ADAM12: variants seen among roughly 807,000 people sequenced by gnomAD.
ADAM12 encodes ADAM metallopeptidase domain 12.
Under a neutral mutation model 106.4 loss-of-function variants are expected in ADAM12, and 70 were observed. The ratio of observed to expected loss-of-function variants is 0.66; its 90% CI spans 0.54 to 0.80. The LOEUF (loss-of-function observed/expected upper bound fraction) is 0.80. Among genes scored for constraint, ADAM12 ranks in the 30% least tolerant of loss-of-function variants. ADAM12 has a pLI of 0.00. For missense variants in ADAM12, 1,010 were observed against 1,171.9 expected (o/e 0.86, Z 2.02); for synonymous variants, 420 against 433.5 (o/e 0.97, Z 0.39).
At chr10:126,225,884 C>A (rs745802445) in intron 3 of ADAM12, among the ~76,000 whole-genome samples, 26 of 152,238 alleles carry the variant, frequency 1.7e-4, no homozygotes, top group Non-Finnish European at 2.9e-4. Flanking sequence ...GAGCCCAGAG[C>A]GTGGTAACTC....
At chr10:126,317,972 C>T (rs1167952647) in intron 2 of ADAM12, among the ~76,000 whole-genome samples, 1 of 152,180 alleles carries the variant, frequency 6.6e-6, no homozygotes, top group Non-Finnish European at 1.5e-5. Flanking sequence ...CTTTTATAAT[C>T]TACCCACAGC....
chr10:126,259,624 C>T (rs1312707814), intron 3 of ADAM12, among the ~76,000 whole-genome samples: 2 of 152,170 alleles, frequency 1.3e-5, no homozygotes, highest in African/African-American at 4.8e-5. Context: ...TCCTGATTTC[C>T]TTTGTTCTCT....
intron 3 of ADAM12, among the ~76,000 whole-genome samples, chr10:126,225,305 G>C (rs1403771423): frequency 6.6e-6 from 1 of 152,212 alleles, no homozygotes; most frequent in Non-Finnish European, 1.5e-5. Flanking sequence ...TGAGAAAGGA[G>C]TTATTAAAAA....
chr10:126,240,475 A>G (rs1028470491), intron 3 of ADAM12, among the ~76,000 whole-genome samples: 1 of 152,262 alleles, frequency 6.6e-6, no homozygotes, highest in African/African-American at 2.4e-5. Flanking sequence ...ACACACGACA[A>G]GTGCAGAATC....
intron 2 of ADAM12, among the ~76,000 whole-genome samples, chr10:126,306,675 T>C (rs555247301): frequency 1.3e-4 from 20 of 152,364 alleles, no homozygotes; most frequent in Admixed American, 1.2e-3. Flanking sequence ...TTCTTACATC[T>C]TGACCTTCCA....
intron 2 of ADAM12, among the ~76,000 whole-genome samples, chr10:126,307,882 C>T (rs780849936): frequency 2.0e-5 from 3 of 152,210 alleles, no homozygotes; most frequent in African/African-American, 7.2e-5. Flanking sequence ...CATGAGCCAG[C>T]GTGCCTGGCC....
intron 6 of ADAM12, among the ~76,000 whole-genome samples, chr10:126,111,164 A>C (rs1473242355): frequency 6.6e-6 from 1 of 152,200 alleles, no homozygotes; most frequent in Non-Finnish European, 1.5e-5. Context: ...TCATGAATTT[A>C]GGTGTTCCTA....
chr10:126,330,909 C>T (rs1854488870), intron 1 of ADAM12, among the ~76,000 whole-genome samples: 1 of 152,154 alleles, frequency 6.6e-6, no homozygotes, highest in South Asian at 2.1e-4. Flanking sequence ...AAGACTAAAT[C>T]CATTTATTTA....
intron 20 of ADAM12, among the ~76,000 whole-genome samples, chr10:126,037,831 A>T (rs1174146429): frequency 6.6e-6 from 1 of 152,220 alleles, no homozygotes; most frequent in East Asian, 1.9e-4. Context: ...TAAGAGTAAC[A>T]GTGGGCTAAA....
chr10:126,348,676 G>A (rs563971965), intron 1 of ADAM12, among the ~76,000 whole-genome samples: 76 of 152,116 alleles, frequency 5.0e-4, no homozygotes, highest in Non-Finnish European at 8.7e-4. Flanking sequence ...TCTGTGCCAC[G>A]TGGACTTGCA....
At chr10:126,112,757 C>T (rs1207451867) in intron 6 of ADAM12, among the ~76,000 whole-genome samples, 1 of 152,176 alleles carries the variant, frequency 6.6e-6, no homozygotes, top group Non-Finnish European at 1.5e-5. Context: ...ACCAGGGATG[C>T]TGTTTGCACT....
intron 3 of ADAM12, among the ~76,000 whole-genome samples, chr10:126,165,161 C>A (rs1957001647): frequency 1.3e-5 from 2 of 152,078 alleles, no homozygotes; most frequent in African/African-American, 2.4e-5. Context: ...GGGTGTCAGG[C>A]CTTGGGGCAT....
At chr10:126,283,160 G>A (rs116045363) in intron 2 of ADAM12, among the ~76,000 whole-genome samples, 4,345 of 152,122 alleles carry the variant, frequency 0.029, 221 homozygotes, top group African/African-American at 0.098. Context: ...CAGTGCCTCC[G>A]CTAATCTGAC....
chr10:126,139,967 G>A (rs1348793170), intron 4 of ADAM12, among the ~76,000 whole-genome samples: 4 of 152,174 alleles, frequency 2.6e-5, no homozygotes, highest in African/African-American at 4.8e-5. Flanking sequence ...TATATAATTG[G>A]ATCATAATGC....
chr10:126,081,087 G>A (rs1055861714), intron 11 of ADAM12, among the ~76,000 whole-genome samples: 1 of 125,060 alleles, frequency 8.0e-6, no homozygotes, highest in East Asian at 2.4e-4. Context: ...GCTATAATCA[G>A]GCTGGATTCA....
intron 2 of ADAM12, among the ~76,000 whole-genome samples, chr10:126,319,272 T>C (rs1195186303): frequency 2.0e-5 from 3 of 152,140 alleles, no homozygotes; most frequent in African/African-American, 7.2e-5. Context: ...CACAGTGACC[T>C]CCTTCCAGGC....
intron 3 of ADAM12, among the ~76,000 whole-genome samples, chr10:126,232,425 T>C (rs569465587): frequency 1.4e-4 from 22 of 152,282 alleles, no homozygotes; most frequent in African/African-American, 5.3e-4. Flanking sequence ...AGTGAGACAC[T>C]AGGATTCTTT....
intron 3 of ADAM12, among the ~76,000 whole-genome samples, chr10:126,211,704 C>T (rs552557612): frequency 6.6e-6 from 1 of 152,318 alleles, no homozygotes; most frequent in African/African-American, 2.4e-5. Context: ...ATAGTTATCT[C>T]TGCCTCCTGG....
intron 3 of ADAM12, among the ~76,000 whole-genome samples, chr10:126,223,450 A>G (rs1958133850): frequency 1.3e-5 from 2 of 152,198 alleles, no homozygotes; most frequent in African/African-American, 2.4e-5. Context: ...AACACACACA[A>G]TAAAATGAAG....
Sources: gnomAD v4.1 joint callset for allele counts (sites outside exome capture counted in the v4.1 genomes callset) on GRCh38, gnomAD v4.1.1 for gene constraint, MANE v1.5 for transcripts, NCBI Gene and HGNC (gene_info 2026-07-23, HGNC 2026-07-21) for gene names.